PRKACB: variants seen among roughly 807,000 people sequenced by gnomAD.
PRKACB encodes the protein protein kinase cAMP-activated catalytic subunit beta, also known as cAMP-dependent protein kinase catalytic subunit beta.
PRKACB carries 16 observed loss-of-function variants against 51.4 expected under a neutral mutation model. The ratio of observed to expected loss-of-function variants is 0.31; its 90% confidence interval spans 0.21 to 0.47. The LOEUF is 0.47. Among genes scored for constraint, PRKACB ranks in the 20% least tolerant of loss-of-function variants. The probability of loss-of-function intolerance (pLI) is 1.00; values close to 1 mark genes in which losing one functional copy is unlikely to be tolerated. For synonymous variants in PRKACB, 147 were observed against 154.4 expected, an observed-to-expected ratio of 0.95 and a Z score of 0.35; for missense variants, 309 against 464.5, an observed-to-expected ratio of 0.67 and a Z score of 3.08.
intron 1 of PRKACB, chr1:84,174,925 CATTTT>C (rs1375104766): frequency 4.1e-6 from 4 of 977,918 alleles, no homozygotes; most frequent in Non-Finnish European, 5.5e-6. Flanking sequence ...TCTACATTAA[CATTTT>C]ATTTCTGTAT....
intron 8 of PRKACB, 71 bp from the exon 9 acceptor site, chr1:84,214,082 C>A (rs1572482928): frequency 2.9e-6 from 4 of 1,401,344 alleles, no homozygotes; most frequent in Non-Finnish European, 9.4e-7. Context: ...GAAAAAAAAA[C>A]TTTATGAAAT....
At chr1:84,109,419 T>C (rs1029541519) in intron 1 of PRKACB, among the ~76,000 whole-genome samples, 6 of 152,008 alleles carry the variant, frequency 3.9e-5, no homozygotes, top group African/African-American at 1.4e-4. Context: ...GCCATTCTGA[T>C]GAATGTTAGA....
At chr1:84,176,486 G>A (rs1233155307) in intron 1 of PRKACB, among the ~76,000 whole-genome samples, 1 of 151,564 alleles carries the variant, frequency 6.6e-6, no homozygotes, top group African/African-American at 2.4e-5. Context: ...TGGTAGATTT[G>A]TTATTAAAAG....
At chr1:84,129,444 T>A (rs1039912256) in intron 1 of PRKACB, among the ~76,000 whole-genome samples, 1 of 152,108 alleles carries the variant, frequency 6.6e-6, no homozygotes, top group East Asian at 1.9e-4. Context: ...TTACATTTTT[T>A]AAAGAAATGT....
chr1:84,230,376 A>C (rs1053939866), intron 9 of PRKACB, among the ~76,000 whole-genome samples: 9 of 152,220 alleles, frequency 5.9e-5, no homozygotes, highest in African/African-American at 2.2e-4. Flanking sequence ...AGATGCCTCC[A>C]GCTTTGTTCT....
intron 1 of PRKACB, among the ~76,000 whole-genome samples, chr1:84,158,063 GTCTT>G (rs1301385025): frequency 7.0e-6 from 1 of 142,034 alleles, no homozygotes; most frequent in Non-Finnish European, 1.6e-5. Flanking sequence ...GGTATCATCA[GTCTT>G]TCTTTCTTTT....
intron 1 of PRKACB, among the ~76,000 whole-genome samples, chr1:84,107,561 T>G (rs2792973): frequency 0.68 from 102,799 of 151,932 alleles, 35,946 homozygotes; most frequent in Non-Finnish European, 0.79. Flanking sequence ...AAAAATATTT[T>G]CAAACTATGC....
chr1:84,125,000 T>A (rs1054100608), intron 1 of PRKACB, among the ~76,000 whole-genome samples: 6 of 152,208 alleles, frequency 3.9e-5, no homozygotes, highest in Admixed American at 6.5e-5. Context: ...TTATTACATT[T>A]AAGTCTTGTG....
intron 1 of PRKACB, among the ~76,000 whole-genome samples, chr1:84,081,934 T>G (rs759285387): frequency 6.6e-6 from 1 of 152,216 alleles, no homozygotes; most frequent in Non-Finnish European, 1.5e-5. Context: ...CCTGTGGATT[T>G]GAAAGTCAGT....
chr1:84,131,259 G>T lies in PRKACB; in HGVS notation c.47-47918G>T, dbSNP rs144189900. Among the ~76,000 whole-genome samples, 375 of 151,860 alleles carry T rather than the reference G, an allele frequency of 2.5e-3. 2 individuals are homozygous for T. The highest frequency in any genetic ancestry group is 8.4e-3 in the African/African-American group (349 of 41,374). ...GAAATCCCAGCTACTCAGGAGAATC[G>T]GTTGAACCTGGGAGGCAGGGGTTGC... On this transcript the variant is annotated intron_variant, in intron 1 of 8. Transcript: ENST00000370688.
intron 1 of PRKACB, among the ~76,000 whole-genome samples, chr1:84,112,228 T>C (rs541021000): frequency 1.5e-4 from 22 of 147,172 alleles, no homozygotes; most frequent in East Asian, 1.4e-3. Flanking sequence ...ACTGCTTCTT[T>C]TTTTTTTTTT....
chr1:84,149,270 T>G (rs1654531587), intron 1 of PRKACB, among the ~76,000 whole-genome samples: 1 of 152,180 alleles, frequency 6.6e-6, no homozygotes, highest in African/African-American at 2.4e-5. Flanking sequence ...GCTCCAATTT[T>G]TTTTTTTTAA....
intron 1 of PRKACB, among the ~76,000 whole-genome samples, chr1:84,176,353 AT>A (rs1486209557): frequency 5.9e-5 from 9 of 151,846 alleles, no homozygotes; most frequent in Non-Finnish European, 1.2e-4. Context: ...AGAGAAAGGC[AT>A]TTAGAAGTTA....
chr1:84,115,936 A>T (rs536683335), intron 1 of PRKACB, among the ~76,000 whole-genome samples: 3 of 148,890 alleles, frequency 2.0e-5, no homozygotes, highest in East Asian at 4.0e-4. Context: ...GCCTAGAGCA[A>T]TGTCCAGGAG....
chr1:84,215,571 C>T (rs948292212), intron 9 of PRKACB, among the ~76,000 whole-genome samples: 7 of 152,126 alleles, frequency 4.6e-5, no homozygotes, highest in Admixed American at 1.3e-4. Flanking sequence ...TCAAGTTAAT[C>T]GCTGGCATTA....
chr1:84,158,304 T>A (rs769101590), intron 1 of PRKACB, among the ~76,000 whole-genome samples: 3 of 152,156 alleles, frequency 2.0e-5, no homozygotes, highest in Non-Finnish European at 4.4e-5. Context: ...TCCCAAGTGC[T>A]GAGATTACAG....
rs557478367 is a variant in PRKACB, at chr1:84,224,515, C to T, written c.1071+10198C>T. Among the ~76,000 whole-genome samples the T allele has an allele frequency of 7.9e-5, 12 of 152,302 alleles. No individual in the cohort carries two copies. In the East Asian group the frequency reaches 2.1e-3, roughly 27 times the overall value. On this transcript the variant is annotated intron_variant, in intron 9 of 9. Coordinates refer to ENST00000370685, the MANE Select transcript of PRKACB (RefSeq NM_182948.4). ...GGTGGCATATGTGGGTAAGCGCCAG[C>T]AGTGGTAGTGGTGGCAGACTGGGCA... is the stretch of plus-strand genomic sequence containing the variant.
chr1:84,106,401 C>G lies in PRKACB; in HGVS notation c.46+28030C>G, dbSNP rs1009534394. Among the ~76,000 whole-genome samples the G allele has an allele frequency of 1.5e-4, 23 of 152,272 alleles. 1 individual carries two copies. Among genetic ancestry groups the G allele is most frequent in the African/African-American group, 4.8e-4 (20 of 41,550 alleles). On this transcript the variant is annotated intron_variant, in intron 1 of 8. Coordinates refer to the PRKACB transcript ENST00000370688. ...AGCTCCCTGATCTGATACACAACTT[C>G]AACGAAGTTTCAGGATACAAATAAA...
At position 84,182,265 on chromosome 1, in the gene PRKACB, C is replaced by T; in HGVS notation, c.315C>T (p.Val105=). 1 of 1,603,404 alleles carries T rather than the reference C, an allele frequency of 6.2e-7. No individual in the cohort carries two copies. Among genetic ancestry groups the T allele is most frequent in the Non-Finnish European group, 8.5e-7 (1 of 1,173,754 alleles). ...KTLGTGSFGR[V]MLVKHKATEQ... Reference sequence around the variant, plus strand: ...TTGGAACAGGTTCATTTGGAAGAGTCATGTTGGTAAAACACAAAGCCACTG... The same window carrying T: ...TTGGAACAGGTTCATTTGGAAGAGTTATGTTGGTAAAACACAAAGCCACTG... The change falls in exon 3 of 10, where the codon GTC becomes GTT. Residue 105 remains valine (V), a synonymous_variant. Transcript: ENST00000370685.
Sources: gnomAD v4.1 joint callset for allele counts (sites outside exome capture counted in the v4.1 genomes callset) on GRCh38, gnomAD v4.1.1 for gene constraint, MANE v1.5 for transcripts, NCBI Gene and HGNC (gene_info 2026-07-23, HGNC 2026-07-21) for gene names.